GLIPR1: variants seen among roughly 807,000 people sequenced by gnomAD.
GLIPR1 encodes glioma pathogenesis-related protein 1.
A neutral mutation model predicts 30.3 loss-of-function variants in GLIPR1; 38 were observed. That is an observed-to-expected ratio of 1.26 (90% CI 0.97 to 1.65). GLIPR1 has a LOEUF of 1.65. Among genes scored for constraint, GLIPR1 ranks in the 40% most tolerant of loss-of-function variants. The probability of loss-of-function intolerance (pLI) is 0.00; values close to 1 mark genes in which losing one functional copy is unlikely to be tolerated. For missense variants in GLIPR1, 285 were observed against 326.5 expected (o/e 0.87, Z 0.98); for synonymous variants, 122 against 110.6 (o/e 1.10, Z -0.65).
intron 4 of GLIPR1, chr12:75,496,791 A>C (rs2046354472): frequency 1.3e-5 from 2 of 152,214 alleles, no homozygotes; most frequent in Non-Finnish European, 2.9e-5. Context: ...TTGCAGGCCT[A>C]AAATTATAAA....
intron 2 of GLIPR1, among the ~76,000 whole-genome samples, chr12:75,489,257 G>C (rs935815562): frequency 5.3e-5 from 8 of 152,148 alleles, no homozygotes; most frequent in Non-Finnish European, 7.3e-5. Flanking sequence ...TTGAGTGCTG[G>C]ATCCCATGTA....
intron 2 of GLIPR1, among the ~76,000 whole-genome samples, chr12:75,486,765 A>G (rs1404611635): frequency 6.6e-6 from 1 of 151,974 alleles, no homozygotes; most frequent in Non-Finnish European, 1.5e-5. Flanking sequence ...AACATTCTGG[A>G]AAAGGCAAAA....
At chr12:75,494,511 G>A (rs1215262307) in intron 3 of GLIPR1, 1 of 152,102 alleles carries the variant, frequency 6.6e-6, no homozygotes, top group South Asian at 2.1e-4. Flanking sequence ...TAATAGAGAA[G>A]CACATATTAC....
chr12:75,495,947 G>T, intron 4 of GLIPR1: 1 of 210,744 alleles, frequency 4.7e-6, no homozygotes, highest in Non-Finnish European at 9.4e-6. Context: ...ATTTCAGCAA[G>T]ATCAAAAATA....
In GLIPR1 at chr12:75,485,561, A is replaced by ATTTATTTATTTT. The variant is rs766932767; in HGVS notation, c.420+3485_420+3486insATTTATTTTTTT. 4.8e-3 allele frequency among the ~76,000 whole-genome samples: 708 copies of ATTTATTTATTTT among 148,868 alleles called. 6 individuals carry two copies. The highest frequency in any genetic ancestry group is 8.3e-3 in the Admixed American group (124 of 14,906). On this transcript the variant is annotated intron_variant, in intron 2 of 5. Coordinates refer to ENST00000266659, the MANE Select transcript of GLIPR1 (RefSeq NM_006851.3). ...TATTTATTTATTTATTTATTTATTTATTTTTTTGAGACGGAGTCTCGCTCT... is the reference window on the plus strand; with the variant it reads ...TATTTATTTATTTATTTATTTATTTATTTATTTATTTTTTTTTTTGAGACGGAGTCTCGCTCT...
chr12:75,498,502 A>G, intron 4 of GLIPR1, 192 bp from the exon 5 acceptor site: 1 of 529,552 alleles, frequency 1.9e-6, no homozygotes, highest in East Asian at 2.9e-5. Flanking sequence ...AAGTTTATGT[A>G]AAAAGTCAAC....
At position 75,499,546 on chromosome 12, in the gene GLIPR1, A is replaced by T. The variant is rs2046375626; in HGVS notation, c.*568A>T. On this transcript the variant is annotated 3_prime_UTR_variant, in exon 6 of 6. Transcript: ENST00000266659. ...ATCAAATGCTGGGACATCATTACTA[A>T]CCAATAGCATCAGACACTGGATTTA... 4.7e-6 allele frequency: 1 copy of T among 214,458 alleles called. No individual in the cohort carries two copies. Among genetic ancestry groups the T allele is most frequent in the African/African-American group, 2.3e-5 (1 of 43,466 alleles). The allele number at this position is 214,458 out of a possible 1,614,324, so 13.3% of individuals were successfully genotyped here.
Position 75,499,744 on chromosome 12 carries a change from T to C in GLIPR1, c.*766T>C. 1 of 1,264,296 alleles carries C rather than the reference T, an allele frequency of 7.9e-7. No homozygotes were observed. Among genetic ancestry groups the C allele is most frequent in the Non-Finnish European group, 1.1e-6 (1 of 931,976 alleles). The allele number at this position is 1,264,296 out of a possible 1,614,324, so 78.3% of individuals were successfully genotyped here. ...GAAAATTTCTCACAAATAAGGCAAC[T>C]AATGCCTGATATCTCAAAATCCTTT... On this transcript the variant is annotated 3_prime_UTR_variant, in exon 6 of 6. Coordinates refer to ENST00000266659, the MANE Select transcript of GLIPR1 (RefSeq NM_006851.3).
chr12:75,499,048 A>C lies in GLIPR1; in HGVS notation c.*70A>C. On this transcript the variant is annotated 3_prime_UTR_variant, in exon 6 of 6. Transcript: ENST00000266659. ...TATGGCTTTTTTTTTAACCAATAACAATTAGGTGTACTTCTATTTTAAAAC... is the reference window on the plus strand; with the variant it reads ...TATGGCTTTTTTTTTAACCAATAACCATTAGGTGTACTTCTATTTTAAAAC... 1 of 948,770 alleles carries C rather than the reference A, an allele frequency of 1.1e-6. No individual in the cohort carries two copies. 58.8% of individuals were successfully genotyped at this position (948,770 alleles called of 1,614,324 possible).
Position 75,495,460 on chromosome 12 carries a change from C to T in GLIPR1, c.534-117C>T, listed in dbSNP as rs374466341. On this transcript the variant is annotated intron_variant, in intron 3 of 5. Coordinates refer to ENST00000266659, the MANE Select transcript of GLIPR1 (RefSeq NM_006851.3). The stretch of plus-strand genomic sequence containing the variant: ...CCTGTCTTCACTTCTATTACCAACT[C>T]TCTGGACCTTTGTACTTCACTCCAC... The T allele has an allele frequency of 2.0e-3, 1,264 of 628,806 alleles. 27 individuals are homozygous for T. The South Asian group carries it at 0.023, about 12-fold the overall frequency. The allele number at this position is 628,806 out of a possible 1,614,324, so 39.0% of individuals were successfully genotyped here. A position where few individuals can be genotyped will look rare whatever the true frequency, so the allele number is the denominator to read the frequency against.
intron 1 of GLIPR1, 60 bp downstream of exon 1, chr12:75,481,114 CT>C: frequency 7.6e-7 from 1 of 1,320,702 alleles, no homozygotes. Flanking sequence ...TGTGTATTGA[CT>C]TTGGTGTTAA....
Position 75,502,000 on chromosome 12 carries a change from T to G in GLIPR1, c.*3022T>G, listed in dbSNP as rs768623012. The G allele has an allele frequency of 1.1e-5, 18 of 1,610,008 alleles. No homozygotes were observed. In the East Asian group the frequency reaches 4.0e-4, roughly 36 times the overall value. On this transcript the variant is annotated 3_prime_UTR_variant, in exon 6 of 6. Transcript: ENST00000266659. ...TCACCACTAGCCAATTCTTTATCGA[T>G]CTGTTGAAAACGGTATTTACAATTA...
In GLIPR1 at chr12:75,499,671, CACTCTTCTA is replaced by C; in HGVS notation, c.*694_*702del. On this transcript the variant is annotated 3_prime_UTR_variant, in exon 6 of 6. Transcript: ENST00000266659. Reference sequence around the variant, plus strand: ...CAATAATAATATAATTTATAAAGAACACTCTTCTATGAACAACCACCACCACCAAAAAAA... The same window carrying C: ...CAATAATAATATAATTTATAAAGAACTGAACAACCACCACCACCAAAAAAA... 1 of 466,546 alleles carries C rather than the reference CACTCTTCTA, an allele frequency of 2.1e-6. No homozygotes were observed. Among genetic ancestry groups the C allele is most frequent in the South Asian group, 4.5e-5 (1 of 22,104 alleles). The allele number at this position is 466,546 out of a possible 1,614,324, so 28.9% of individuals were successfully genotyped here. A position where few individuals can be genotyped will look rare whatever the true frequency, so the allele number is the denominator to read the frequency against.
intron 2 of GLIPR1, chr12:75,484,508 C>T (rs776779633): frequency 6.6e-6 from 1 of 152,210 alleles, no homozygotes; most frequent in African/African-American, 2.4e-5. Context: ...AATAATTTCA[C>T]TTGCGTCCTT....
At chr12:75,487,018 A>C (rs1482297891) in intron 2 of GLIPR1, among the ~76,000 whole-genome samples, 1 of 152,246 alleles carries the variant, frequency 6.6e-6, no homozygotes, top group African/African-American at 2.4e-5. Flanking sequence ...ACACAAAATG[A>C]ATGGTAACTA....
Position 75,503,811 on chromosome 12 carries a change from A to G in GLIPR1, c.*4833A>G. On this transcript the variant is annotated 3_prime_UTR_variant, in exon 6 of 6. Coordinates refer to ENST00000266659, the MANE Select transcript of GLIPR1 (RefSeq NM_006851.3). ...ACACACACACAATATATATATATAC[A>G]CATATCCCACCTGAAATACTTTCAA... 1.8e-6 allele frequency: 2 copies of G among 1,105,004 alleles called. No individual in the cohort carries two copies. Among genetic ancestry groups the G allele is most frequent in the South Asian group, 1.6e-5 (1 of 64,026 alleles). The allele number at this position is 1,105,004 out of a possible 1,614,324, so 68.4% of individuals were successfully genotyped here.
chr12:75,500,595 AATAAAGACAATAATTTG>A lies in GLIPR1; in HGVS notation c.*1619_*1635del, dbSNP rs1160669893. ...TTGGTATATTTAACAACATTTTGGT[AATAAAGACAATAATTTG>A]AGAGTGTGTGGAAGTCCCCCTAATA... On this transcript the variant is annotated 3_prime_UTR_variant, in exon 6 of 6. Transcript: ENST00000266659. 2.0e-5 allele frequency: 3 copies of A among 152,052 alleles called. No individual in the cohort carries two copies. The highest frequency in any genetic ancestry group is 7.2e-5 in the African/African-American group (3 of 41,444). The allele number at this position is 152,052 out of a possible 1,614,324, so 9.4% of individuals were successfully genotyped here. A position where few individuals can be genotyped will look rare whatever the true frequency, so the allele number is the denominator to read the frequency against.
chr12:75,499,531 G>C lies in GLIPR1; in HGVS notation c.*553G>C, dbSNP rs2046375451. 5.0e-6 allele frequency: 1 copy of C among 198,596 alleles called. No individual in the cohort carries two copies. The highest frequency in any genetic ancestry group is 1.0e-5 in the Non-Finnish European group (1 of 100,438). 12.3% of individuals were successfully genotyped at this position (198,596 alleles called of 1,614,324 possible). A position where few individuals can be genotyped will look rare whatever the true frequency, so the allele number is the denominator to read the frequency against. On this transcript the variant is annotated 3_prime_UTR_variant, in exon 6 of 6. Transcript: ENST00000266659. ...CATTAGAGAGGGAACATCAAATGCT[G>C]GGACATCATTACTAACCAATAGCAT...
chr12:75,487,382 A>C (rs1431200321), intron 2 of GLIPR1, among the ~76,000 whole-genome samples: 1 of 152,258 alleles, frequency 6.6e-6, no homozygotes, highest in East Asian at 1.9e-4. Flanking sequence ...ATTAGAAAGT[A>C]GAAGTTTAAG....
Sources: allele counts gnomAD v4.1 joint callset (sites outside exome capture counted in the v4.1 genomes callset), GRCh38; gene constraint gnomAD v4.1.1; transcripts MANE v1.5; gene names NCBI Gene and HGNC (gene_info 2026-07-23, HGNC 2026-07-21).